The following ZFHX3 variants were observed in gnomAD, a reference collection of about 807,000 sequenced individuals.
ZFHX3 encodes zinc finger homeobox 3.
Under a neutral mutation model 279.1 loss-of-function variants are expected in ZFHX3, and 42 were observed. The observed-to-expected ratio is 0.15, with a 90% CI of 0.12 to 0.19. The LOEUF is 0.19. Among genes scored for constraint, ZFHX3 ranks in the 10% least tolerant of loss-of-function variants. ZFHX3 has a pLI of 1.00. For missense variants in ZFHX3, 4,981 were observed against 4,754.0 expected (o/e 1.05, Z -1.40); for synonymous variants, 2,293 against 1,957.8 (o/e 1.17, Z -4.52).
intron 1 of ZFHX3, among the ~76,000 whole-genome samples, chr16:73,788,829 C>G (rs1292195816): frequency 6.6e-6 from 1 of 151,358 alleles, no homozygotes; most frequent in African/African-American, 2.4e-5. Context: ...AAAAAATTAG[C>G]TGGGTGTGCC....
chr16:73,100,452 G>A (rs1228628161), intron 7 of ZFHX3, among the ~76,000 whole-genome samples: 1 of 152,178 alleles, frequency 6.6e-6, no homozygotes, highest in East Asian at 1.9e-4. Flanking sequence ...CTCTTTGGCA[G>A]AATTTGGTTC....
At position 72,797,224 on chromosome 16, in the gene ZFHX3, C is replaced by T. The variant is rs546063296; in HGVS notation, c.5458G>A (p.Gly1820Arg). The T allele has an allele frequency of 8.1e-6, 13 of 1,613,990 alleles. No homozygotes were observed. The highest frequency in any genetic ancestry group is 1.3e-5 in the African/African-American group (1 of 75,010). Residue 1820 changes from glycine (G) to arginine (R), a missense_variant, in exon 9 of 10, where the codon GGG (glycine) becomes AGG (arginine). Around this residue, in one of 7 missense-constraint regions of ZFHX3, gnomAD observed 1,751 missense variants for 1,770.0 expected, o/e 0.99. Coordinates refer to ENST00000268489, the MANE Select transcript of ZFHX3 (RefSeq NM_006885.4). ...NPEVSLPVTS[G>R]ALTLTGTGPG... is the part of the protein sequence containing the mutation. ...CCTGTCCCAGTCAGTGTCAGTGCCC[C>T]ACTGGTCACTGGCAAGCTCACCTCG...
At chr16:73,820,079 G>A (rs551826882) in intron 1 of ZFHX3, among the ~76,000 whole-genome samples, 4 of 152,216 alleles carry the variant, frequency 2.6e-5, no homozygotes, top group Admixed American at 2.6e-4. Context: ...GTGACGCAGG[G>A]CCAGTACTGG....
chr16:73,136,353 A>G (rs1966792227), intron 6 of ZFHX3, among the ~76,000 whole-genome samples: 1 of 152,134 alleles, frequency 6.6e-6, no homozygotes, highest in Admixed American at 6.5e-5. Flanking sequence ...TTGACAGTCC[A>G]GTTCTTTGGT....
Position 73,714,242 on chromosome 16 carries a change from T to C in ZFHX3, c.-1607-34002A>G, listed in dbSNP as rs531077030. Among the ~76,000 whole-genome samples, 276 of 152,336 alleles carry C rather than the reference T, an allele frequency of 1.8e-3. 2 individuals carry two copies. The highest frequency in any genetic ancestry group is 6.2e-3 in the African/African-American group (259 of 41,582). ...AGTTGGATACATTAGGATCCTGGGC[T>C]TATTGACTTTAATAGGTCAATTTTT... On this transcript the variant is annotated intron_variant, in intron 1 of 17. Coordinates refer to the ZFHX3 transcript ENST00000641206.
chr16:73,709,065 G>C (rs1217183210), intron 1 of ZFHX3, among the ~76,000 whole-genome samples: 1 of 152,092 alleles, frequency 6.6e-6, no homozygotes, highest in Non-Finnish European at 1.5e-5. Flanking sequence ...ATCTCCACAA[G>C]GTTGTTTTGG....
At chr16:72,807,827 A>G (rs1250082395) in intron 7 of ZFHX3, 1 of 152,192 alleles carries the variant, frequency 6.6e-6, no homozygotes, top group African/African-American at 2.4e-5. Context: ...GCCAATGGCA[A>G]CTAACTCAGT....
At chr16:73,453,866 A>T (rs1458581963) in intron 3 of ZFHX3, among the ~76,000 whole-genome samples, 1 of 152,198 alleles carries the variant, frequency 6.6e-6, no homozygotes, top group Non-Finnish European at 1.5e-5. Context: ...CTTATTCACT[A>T]TCACCAGAAC....
At chr16:73,234,985 C>G (rs970187774) in intron 5 of ZFHX3, among the ~76,000 whole-genome samples, 1 of 152,244 alleles carries the variant, frequency 6.6e-6, no homozygotes, top group Non-Finnish European at 1.5e-5. Context: ...CATCCTAAAG[C>G]AGACAATGCT....
intron 4 of ZFHX3, among the ~76,000 whole-genome samples, chr16:72,883,738 C>G (rs2038553947): frequency 6.6e-6 from 1 of 152,174 alleles, no homozygotes; most frequent in Non-Finnish European, 1.5e-5. Flanking sequence ...GTCCTTTAGA[C>G]AGATAAAGTC....
At chr16:72,859,906 A>G (rs1299079233) in intron 4 of ZFHX3, among the ~76,000 whole-genome samples, 1 of 152,210 alleles carries the variant, frequency 6.6e-6, no homozygotes, top group African/African-American at 2.4e-5. Flanking sequence ...AGAAGCCCCC[A>G]GGCCGTAAGA....
intron 2 of ZFHX3, among the ~76,000 whole-genome samples, chr16:73,639,523 T>C (rs2052555845): frequency 6.6e-6 from 1 of 152,140 alleles, no homozygotes; most frequent in Admixed American, 6.5e-5. Context: ...AAGTTAATAT[T>C]AAAACAGAAA....
At chr16:73,797,686 C>T (rs913411303) in intron 1 of ZFHX3, among the ~76,000 whole-genome samples, 2 of 152,024 alleles carry the variant, frequency 1.3e-5, no homozygotes, top group African/African-American at 4.8e-5. Context: ...ATGGGTAAGT[C>T]AGGAAGCTTG....
chr16:73,794,483 A>G (rs763068017), intron 1 of ZFHX3: 13 of 152,256 alleles, frequency 8.5e-5, no homozygotes, highest in Non-Finnish European at 1.8e-4. Flanking sequence ...CCTAGAGGGT[A>G]AAAGACACTC....
chr16:73,181,196 C>G (rs113231991), intron 5 of ZFHX3, among the ~76,000 whole-genome samples: 25,852 of 151,158 alleles, frequency 0.17, 2,332 homozygotes, highest in African/African-American at 0.21. Flanking sequence ...CGACTCCCTG[C>G]TTCAAGCGAT....
intron 5 of ZFHX3, among the ~76,000 whole-genome samples, chr16:73,234,674 G>A (rs561300651): frequency 1.2e-4 from 18 of 152,252 alleles, no homozygotes; most frequent in Admixed American, 1.1e-3. Context: ...GGCCATGACC[G>A]GTGTGTCTGT....
intron 3 of ZFHX3, among the ~76,000 whole-genome samples, chr16:72,933,813 CTTTTT>C (rs71391468): frequency 8.9e-6 from 1 of 112,478 alleles, no homozygotes; most frequent in African/African-American, 3.0e-5. Flanking sequence ...TCACAACTTT[CTTTTT>C]TTTTTTTTTT....
intron 5 of ZFHX3, among the ~76,000 whole-genome samples, chr16:73,233,365 C>T (rs1330652231): frequency 1.3e-5 from 2 of 152,114 alleles, no homozygotes; most frequent in South Asian, 2.1e-4. Flanking sequence ...CAAACCAAAA[C>T]AATAAAAACC....
intron 8 of ZFHX3, among the ~76,000 whole-genome samples, chr16:73,076,374 C>T (rs1162890150): frequency 1.3e-5 from 2 of 152,128 alleles, no homozygotes; most frequent in Non-Finnish European, 2.9e-5. Context: ...GATAAAGATA[C>T]GTTATCAAGG....
Sources: allele counts gnomAD v4.1 joint callset (sites outside exome capture counted in the v4.1 genomes callset), GRCh38; gene constraint gnomAD v4.1.1; regional missense constraint gnomAD v4.1.1; transcripts MANE v1.5; gene names NCBI Gene and HGNC (gene_info 2026-07-23, HGNC 2026-07-21).